The following PCNX2 variants were observed in gnomAD, a reference collection of about 807,000 sequenced individuals.
The protein encoded by PCNX2 is pecanex-like protein 2.
A neutral mutation model predicts 223.8 loss-of-function variants in PCNX2; 168 were observed. The ratio of observed to expected loss-of-function variants is 0.75; its 90% CI spans 0.66 to 0.85. PCNX2 has a LOEUF of 0.85. Ranked by LOEUF, PCNX2 falls within the 40% of genes least tolerant of loss-of-function variation. PCNX2 has a pLI of 0.00. For missense variants in PCNX2, 2,507 were observed against 2,675.5 expected (o/e 0.94, Z 1.39); for synonymous variants, 1,006 against 1,052.6 (o/e 0.96, Z 0.86).
At chr1:233,197,616 C>T (rs1197993559) in intron 15 of PCNX2, among the ~76,000 whole-genome samples, 2 of 152,160 alleles carry the variant, frequency 1.3e-5, no homozygotes, top group Admixed American at 6.5e-5. Flanking sequence ...ACCTTCCTCC[C>T]AGGCCCCTCC....
the PCNX2 span, among the ~76,000 whole-genome samples, chr1:233,324,307 A>G: frequency 1.3e-5 from 2 of 152,210 alleles, no homozygotes; most frequent in African/African-American, 4.8e-5. Context: ...ATGAAGGTGG[A>G]TACACTAAAC....
chr1:233,131,488 C>T (rs1210014219), intron 21 of PCNX2, among the ~76,000 whole-genome samples: 1 of 152,176 alleles, frequency 6.6e-6, no homozygotes, highest in African/African-American at 2.4e-5. Context: ...TTGATATAAT[C>T]ATCTTCTGTC....
intron 1 of PCNX2, among the ~76,000 whole-genome samples, chr1:233,282,296 G>A (rs114244389): frequency 1.4e-3 from 207 of 152,178 alleles, no homozygotes; most frequent in Non-Finnish European, 2.4e-3. Flanking sequence ...TTCTATTTAG[G>A]AAGTGTTACC....
chr1:232,984,367 T>G lies in PCNX2; in HGVS notation c.6351A>C (p.Ala2117=), dbSNP rs1265753538. ...ADTLGVVCRR[A]SQEDMGLDDT... is the part of the protein sequence containing the mutation. ...CGTCCAGGCCCATGTCCTCCTGGCT[T>G]GCTCTCCTGCAGACAACCCCGAGAG... Residue 2117 remains alanine, a synonymous_variant, in exon 34 of 34, where the codon GCA becomes GCC. Coordinates refer to ENST00000258229, the MANE Select transcript of PCNX2 (RefSeq NM_014801.4). The G allele has an allele frequency of 1.2e-6, 2 of 1,613,652 alleles. No homozygotes were observed. Among genetic ancestry groups the G allele is most frequent in the African/African-American group, 2.7e-5 (2 of 75,012 alleles).
chr1:232,998,480 C>T (rs780031594), intron 31 of PCNX2, 42 bp from the exon 32 acceptor site: 2 of 1,594,332 alleles, frequency 1.3e-6, no homozygotes, highest in Non-Finnish European at 1.7e-6. Context: ...CAGCAACACA[C>T]TTCCAATCCC....
In PCNX2 at chr1:233,139,822, T is replaced by TA; in HGVS notation, c.3550dup (p.Tyr1184LeufsTer8). 1 of 1,613,572 alleles carries TA rather than the reference T, an allele frequency of 6.2e-7. No homozygotes were observed. The highest frequency in any genetic ancestry group is 8.5e-7 in the Non-Finnish European group (1 of 1,179,792). On this transcript the variant is annotated frameshift_variant, in exon 20 of 34. Transcript: ENST00000258229. LOFTEE classifies it high-confidence loss of function. This position sits in a 1 kb window ranked among gnomAD's most constrained non-coding sequence, Gnocchi z 4.4. ...TTTTTCAAAACACTGAAGCCAAACA[T>TA]AGAGTCTTTCGAACCACATTAAATG...
chr1:233,258,895 C>T lies in PCNX2; in HGVS notation c.967G>A (p.Val323Met). Residue 323 changes from valine to methionine, a missense_variant, in exon 5 of 34, where the codon GTG (valine) becomes ATG (methionine). Physicochemically the swap from Val to Met is conservative, Grantham distance 21. Transcript: ENST00000258229. ...CAGGATGTGTCTGCTGGCTCCTCCACAGGCTTGGCCACGATGGTGTCACAT... is the reference window on the plus strand; with the variant it reads ...CAGGATGTGTCTGCTGGCTCCTCCATAGGCTTGGCCACGATGGTGTCACAT... Reference protein sequence around the residue: ...PQCDTIVAKPVEEPADTSCQV... With the variant: ...PQCDTIVAKPMEEPADTSCQV... 6.2e-7 allele frequency: 1 copy of T among 1,613,930 alleles called. No homozygotes were observed. The highest frequency in any genetic ancestry group is 1.1e-5 in the South Asian group (1 of 91,084).
At chr1:233,095,515 A>G in intron 22 of PCNX2, 2 of 519,200 alleles carry the variant, frequency 3.9e-6, no homozygotes, top group Non-Finnish European at 6.9e-6. Flanking sequence ...GGGAAATGGA[A>G]GGACCAGAAA....
intron 15 of PCNX2, chr1:233,180,841 A>T (rs955617508): frequency 6.6e-6 from 1 of 151,860 alleles, no homozygotes; most frequent in Non-Finnish European, 1.5e-5. Flanking sequence ...CTCCAGACGC[A>T]CTCTCCACAC....
intron 25 of PCNX2, among the ~76,000 whole-genome samples, chr1:233,053,126 A>G (rs561744066): frequency 5.3e-4 from 80 of 152,150 alleles, no homozygotes; most frequent in African/African-American, 1.8e-3. Flanking sequence ...CAGAGTCCCT[A>G]CATGGTTCCC....
At chr1:233,106,375 T>A (rs1285799192) in intron 21 of PCNX2, among the ~76,000 whole-genome samples, 1 of 142,528 alleles carries the variant, frequency 7.0e-6, no homozygotes, top group Non-Finnish European at 1.5e-5. Context: ...TTTTTTGAGA[T>A]GGAATCTCGC....
intron 19 of PCNX2, among the ~76,000 whole-genome samples, chr1:233,151,829 C>T (rs371736050): frequency 2.0e-5 from 3 of 152,184 alleles, no homozygotes; most frequent in East Asian, 3.9e-4. Flanking sequence ...CACCTGCTAC[C>T]ATGCCCGGCC....
chr1:233,232,617 G>A (rs540721205), intron 9 of PCNX2, among the ~76,000 whole-genome samples: 22 of 152,056 alleles, frequency 1.4e-4, no homozygotes, highest in South Asian at 2.1e-4. Context: ...TAAATGTTAC[G>A]ATATTATAAT....
intron 32 of PCNX2, among the ~76,000 whole-genome samples, chr1:232,989,077 T>A (rs955171552): frequency 3.9e-5 from 6 of 152,126 alleles, no homozygotes; most frequent in African/African-American, 1.4e-4. Flanking sequence ...GGCAGTTGGG[T>A]CCCCAGTTAT....
chr1:233,155,067 C>CAA (rs558141357), intron 19 of PCNX2, among the ~76,000 whole-genome samples: 8 of 94,992 alleles, frequency 8.4e-5, no homozygotes, highest in African/African-American at 1.6e-4. Context: ...GACTCCGTCT[C>CAA]AAAAAAAAAA....
intron 23 of PCNX2, among the ~76,000 whole-genome samples, chr1:233,072,291 C>CTTTA (rs1236817895): frequency 1.3e-5 from 2 of 152,160 alleles, no homozygotes; most frequent in African/African-American, 4.8e-5. Flanking sequence ...ACGTTTAAGT[C>CTTTA]TTTAATTCAA....
intron 19 of PCNX2, among the ~76,000 whole-genome samples, chr1:233,157,625 T>C (rs1197431186): frequency 1.3e-5 from 2 of 152,174 alleles, no homozygotes; most frequent in African/African-American, 4.8e-5. Context: ...AAAAGCTGTG[T>C]GCCTGGCCTG....
At chr1:233,256,715 G>C (rs540158557) in intron 5 of PCNX2, among the ~76,000 whole-genome samples, 1 of 152,286 alleles carries the variant, frequency 6.6e-6, no homozygotes, top group East Asian at 1.9e-4. Context: ...TAGCCTAGAG[G>C]TATGAATCTT....
chr1:233,300,722 A>G (rs1662244026), upstream of PCNX2, among the ~76,000 whole-genome samples: 1 of 152,222 alleles, frequency 6.6e-6, no homozygotes, highest in Non-Finnish European at 1.5e-5. Context: ...GGATTGAGAT[A>G]TGGCTATGCC....
Sources: gnomAD v4.1 joint callset for allele counts (sites outside exome capture counted in the v4.1 genomes callset) on GRCh38, gnomAD v4.1.1 for gene constraint, Gnocchi (gnomAD v3.1) non-coding constraint, MANE v1.5 for transcripts, NCBI Gene and HGNC (gene_info 2026-07-23, HGNC 2026-07-21) for gene names.